USH2A: variants seen among roughly 807,000 people sequenced by gnomAD.
USH2A encodes the protein Usher syndrome 2A (autosomal recessive, mild).
Under a neutral mutation model 538.9 loss-of-function variants are expected in USH2A, and 443 were observed. That is an observed-to-expected ratio of 0.82 (90% CI 0.76 to 0.89). The LOEUF is 0.89. Ranked by LOEUF, USH2A falls within the 40% of genes least tolerant of loss-of-function variation. The pLI, the probability that USH2A is intolerant of heterozygous loss-of-function variation, is 0.00. For synonymous variants in USH2A, 2,413 were observed against 2,273.5 expected (o/e 1.06, Z -1.75); for missense variants, 6,633 against 6,324.8 (o/e 1.05, Z -1.65).
intron 4 of USH2A, 33 bp from the exon 5 acceptor site, chr1:216,327,687 G>C: frequency 6.2e-7 from 1 of 1,611,408 alleles, no homozygotes; most frequent in Non-Finnish European, 8.5e-7. Flanking sequence ...AATATAAGAA[G>C]TCTCTGTTTA....
intron 38 of USH2A, among the ~76,000 whole-genome samples, chr1:215,920,757 G>A (rs905821495): frequency 2.6e-4 from 40 of 152,128 alleles, no homozygotes; most frequent in African/African-American, 3.6e-4. Context: ...TAAGATACAC[G>A]CTTACTTGAT....
At chr1:216,384,637 T>C (rs1222678614) in intron 3 of USH2A, among the ~76,000 whole-genome samples, 1 of 152,098 alleles carries the variant, frequency 6.6e-6, no homozygotes, top group Non-Finnish European at 1.5e-5. Flanking sequence ...CCATCTCTAG[T>C]TGGAAATCAT....
rs200513810 is a variant in USH2A, at chr1:216,365,107, A to T, written c.652-22T>A. Reference sequence around the variant, plus strand: ...GCACCTGTAAGAAATTACCACCATTATTAGTTTAAGTGCATAAACTTTTAT... The same window carrying T: ...GCACCTGTAAGAAATTACCACCATTTTTAGTTTAAGTGCATAAACTTTTAT... On this transcript the variant is annotated intron_variant, in intron 3 of 71. Transcript: ENST00000307340. 1.9e-6 allele frequency: 3 copies of T among 1,607,406 alleles called. No individual in the cohort carries two copies. In the African/African-American group the frequency reaches 4.0e-5, roughly 22 times the overall value.
chr1:215,823,575 T>C, intron 47 of USH2A, among the ~76,000 whole-genome samples: 1 of 152,108 alleles, frequency 6.6e-6, no homozygotes, highest in South Asian at 2.1e-4. Flanking sequence ...GATATTTCTC[T>C]GTTTCTTACA....
intron 69 of USH2A, among the ~76,000 whole-genome samples, chr1:215,638,483 G>A (rs1656568974): frequency 6.6e-6 from 1 of 152,010 alleles, no homozygotes; most frequent in Non-Finnish European, 1.5e-5. Context: ...AGCCAGGCGT[G>A]GTGACATACA....
chr1:216,216,991 CA>C (rs879754872), intron 15 of USH2A, among the ~76,000 whole-genome samples: 10 of 149,986 alleles, frequency 6.7e-5, no homozygotes, highest in Non-Finnish European at 1.2e-4. Flanking sequence ...CTTTATTTGT[CA>C]AAAAAAAATA....
In USH2A at chr1:215,876,520, G is replaced by A. The variant is rs74610187; in HGVS notation, c.8681+1238C>T. 3.4e-3 allele frequency among the ~76,000 whole-genome samples: 524 copies of A among 152,296 alleles called. 4 individuals are homozygous for A. The highest frequency in any genetic ancestry group is 0.012 in the African/African-American group (497 of 41,564). On this transcript the variant is annotated intron_variant, in intron 43 of 71. Transcript: ENST00000307340. ...TTCAGGTGTAGGGCACTATGTGCTGGTATGTGCCAGACACCATGCTAGGAA... is the reference window on the plus strand; with the variant it reads ...TTCAGGTGTAGGGCACTATGTGCTGATATGTGCCAGACACCATGCTAGGAA...
At chr1:215,740,205 C>A (rs1237253626) in intron 60 of USH2A, among the ~76,000 whole-genome samples, 1 of 152,094 alleles carries the variant, frequency 6.6e-6, no homozygotes, top group Non-Finnish European at 1.5e-5. Flanking sequence ...CCCTCATTCT[C>A]TTCCTTTGCC....
intron 26 of USH2A, among the ~76,000 whole-genome samples, chr1:216,083,170 G>C (rs1051675546): frequency 6.6e-6 from 1 of 151,908 alleles, no homozygotes; most frequent in Non-Finnish European, 1.5e-5. Flanking sequence ...GAGGGAAATA[G>C]TGTTTTTCAT....
At chr1:215,723,439 T>C (rs914561446) in intron 61 of USH2A, among the ~76,000 whole-genome samples, 9 of 152,162 alleles carry the variant, frequency 5.9e-5, no homozygotes, top group Admixed American at 5.2e-4. Flanking sequence ...CTCAGCAACA[T>C]CCACCTGTCT....
In USH2A at chr1:216,150,710, T is replaced by G. The variant is rs1198273761; in HGVS notation, c.4627+24542A>C. On this transcript the variant is annotated intron_variant, in intron 21 of 71. Transcript: ENST00000307340. Reference sequence around the variant, plus strand: ...CTCCTTCGCACTTATTTAAAAAACCTTTCTCCTTATATTAACTCTACTCCC... The same window carrying G: ...CTCCTTCGCACTTATTTAAAAAACCGTTCTCCTTATATTAACTCTACTCCC... 2.0e-5 allele frequency among the ~76,000 whole-genome samples: 3 copies of G among 152,064 alleles called. No homozygotes were observed. In the East Asian group the frequency reaches 5.8e-4, roughly 29 times the overall value.
chr1:216,225,148 G>T (rs2035537027), intron 14 of USH2A, among the ~76,000 whole-genome samples: 1 of 151,972 alleles, frequency 6.6e-6, no homozygotes, highest in Non-Finnish European at 1.5e-5. Context: ...ATACTTGATG[G>T]AATCCCATAT....
rs558558846 is a variant in USH2A, at chr1:215,925,470, A to G, written c.7300+9146T>C. Among the ~76,000 whole-genome samples, 6 of 152,322 alleles carry G rather than the reference A, an allele frequency of 3.9e-5. No individual in the cohort carries two copies. The South Asian group carries it at 1.2e-3, about 32-fold the overall frequency. ...ATGCACAACTATTCGAAAGATTCATATGAACTGGATGTAATATAAATTGTG... is the reference window on the plus strand; with the variant it reads ...ATGCACAACTATTCGAAAGATTCATGTGAACTGGATGTAATATAAATTGTG... On this transcript the variant is annotated intron_variant, in intron 38 of 71. Coordinates refer to ENST00000307340, the MANE Select transcript of USH2A (RefSeq NM_206933.4).
At chr1:216,400,076 G>A (rs1051716537) in intron 3 of USH2A, among the ~76,000 whole-genome samples, 32 of 152,042 alleles carry the variant, frequency 2.1e-4, no homozygotes, top group Non-Finnish European at 2.9e-5. Context: ...ATCAACAGAT[G>A]CCATCAGTGA....
At chr1:215,666,120 C>A (rs1657594598) in intron 64 of USH2A, among the ~76,000 whole-genome samples, 1 of 152,180 alleles carries the variant, frequency 6.6e-6, no homozygotes, top group East Asian at 1.9e-4. Context: ...GAGTGTTATC[C>A]TTCAGAATCC....
In USH2A at chr1:216,199,983, A is replaced by C; in HGVS notation, c.3455T>G (p.Leu1152Trp). 1.9e-6 allele frequency: 3 copies of C among 1,614,092 alleles called. No individual in the cohort carries two copies. The highest frequency in any genetic ancestry group is 2.5e-6 in the Non-Finnish European group (3 of 1,179,996). The change falls in exon 17 of 72, where the codon TTG (leucine) becomes TGG (tryptophan). Residue 1152 changes from leucine (L) to tryptophan (W), a missense_variant. Leu to Trp is a moderately conservative substitution (Grantham distance 61). Coordinates refer to ENST00000307340, the MANE Select transcript of USH2A (RefSeq NM_206933.4). ...AATAGGAATGATATAACTTAAAGTC[A>C]AGTTTCCCTCTGGGACCCCTGGTTT... The part of the protein sequence containing the change: ...KTKPGVPEGN[L>W]TLSYIIPIGS...
chr1:215,766,816 G>A (rs1359351972), intron 55 of USH2A, 28 bp from the exon 56 acceptor site: 7 of 1,582,138 alleles, frequency 4.4e-6, no homozygotes, highest in Non-Finnish European at 6.1e-6. Context: ...GAAATAAAGT[G>A]CACCTTAAGA....
intron 4 of USH2A, among the ~76,000 whole-genome samples, chr1:216,362,319 T>C (rs1475533797): frequency 6.6e-6 from 1 of 152,022 alleles, no homozygotes; most frequent in Non-Finnish European, 1.5e-5. Context: ...ATGCAAATGA[T>C]CAAGACATAC....
At chr1:216,268,520 G>A (rs1195008789) in intron 11 of USH2A, among the ~76,000 whole-genome samples, 1 of 152,094 alleles carries the variant, frequency 6.6e-6, no homozygotes, top group Non-Finnish European at 1.5e-5. Flanking sequence ...TAGTGGGCAG[G>A]AAAATTCATC....
Sources: allele counts gnomAD v4.1 joint callset (sites outside exome capture counted in the v4.1 genomes callset), GRCh38; gene constraint gnomAD v4.1.1; transcripts MANE v1.5; gene names NCBI Gene and HGNC (gene_info 2026-07-23, HGNC 2026-07-21).